The following ZNF438 variants were observed in gnomAD, a reference collection of about 807,000 sequenced individuals.
ZNF438 encodes the protein zinc finger protein 438.
In ZNF438, 25 loss-of-function variants were observed where a neutral mutation model predicts 38.0. The ratio of observed to expected loss-of-function variants is 0.66; its 90% confidence interval spans 0.48 to 0.92. The LOEUF (loss-of-function observed/expected upper bound fraction) is 0.92, where lower values mean the gene tolerates loss of function less well. Among genes scored for constraint, ZNF438 ranks in the 40% least tolerant of loss-of-function variants. ZNF438 has a pLI of 0.00. For synonymous variants in ZNF438, 372 were observed against 364.1 expected (o/e 1.02, Z -0.25); for missense variants, 1,007 against 999.6 (o/e 1.01, Z -0.10).
At chr10:30,900,703 C>A (rs192037508) in intron 3 of ZNF438, among the ~76,000 whole-genome samples, 1 of 152,170 alleles carries the variant, frequency 6.6e-6, no homozygotes, top group East Asian at 1.9e-4. Flanking sequence ...TTTGAAGACA[C>A]GTACTGGGTT....
chr10:30,929,389 A>G (rs189675161), intron 2 of ZNF438, among the ~76,000 whole-genome samples: 1 of 151,970 alleles, frequency 6.6e-6, no homozygotes, highest in Admixed American at 6.5e-5. Flanking sequence ...CTTCGCAGTG[A>G]GTGTTACAGC....
At chr10:30,863,227 A>T (rs2035879209) in intron 4 of ZNF438, among the ~76,000 whole-genome samples, 2 of 152,218 alleles carry the variant, frequency 1.3e-5, no homozygotes, top group South Asian at 4.1e-4. Flanking sequence ...TATTTCTTTA[A>T]TGAAGACACA....
intron 1 of ZNF438, among the ~76,000 whole-genome samples, chr10:30,994,506 C>T (rs560693648): frequency 2.0e-5 from 3 of 152,272 alleles, no homozygotes; most frequent in Admixed American, 1.3e-4. Context: ...CTCATGTGCC[C>T]TCTCAGCATG....
Position 30,848,212 on chromosome 10 carries a change from C to T in ZNF438, c.1874+319G>A, listed in dbSNP as rs550696160. Among the ~76,000 whole-genome samples the T allele has an allele frequency of 1.3e-4, 20 of 152,296 alleles. No homozygotes were observed. In the South Asian group the frequency reaches 3.1e-3, roughly 24 times the overall value. On this transcript the variant is annotated intron_variant, in intron 5 of 5. Coordinates refer to ENST00000413025, the Ensembl canonical transcript of ZNF438. ...TCTGAGTCCCCAACCATGGGTCATG[C>T]CGCATTTTGGGGCAAATGATGCTGT...
At chr10:30,873,314 T>C (rs764611436) in intron 4 of ZNF438, among the ~76,000 whole-genome samples, 4 of 152,064 alleles carry the variant, frequency 2.6e-5, no homozygotes, top group African/African-American at 7.3e-5. Flanking sequence ...TAGTTTATAA[T>C]AGAAAAATCT....
chr10:30,925,279 T>TA, intron 2 of ZNF438, among the ~76,000 whole-genome samples: 1 of 152,250 alleles, frequency 6.6e-6, no homozygotes, highest in African/African-American at 2.4e-5. Flanking sequence ...CTTTGTCTTT[T>TA]AAGAGTTAGA....
intron 4 of ZNF438, chr10:30,875,399 C>A (rs1332947728): frequency 3.1e-6 from 3 of 982,900 alleles, no homozygotes; most frequent in Non-Finnish European, 3.6e-6. Flanking sequence ...GGCTCAGGGG[C>A]AAAATAACTT....
intron 4 of ZNF438, among the ~76,000 whole-genome samples, chr10:30,871,291 T>C (rs1299899004): frequency 2.0e-5 from 3 of 152,208 alleles, no homozygotes; most frequent in Non-Finnish European, 4.4e-5. Context: ...TTTGCTTTCA[T>C]TGGCCTTAGA....
chr10:30,915,427 G>A (rs11008302), intron 2 of ZNF438, among the ~76,000 whole-genome samples: 4 of 151,718 alleles, frequency 2.6e-5, no homozygotes, highest in Non-Finnish European at 5.9e-5. Flanking sequence ...CAACCAGACT[G>A]TCATCTTGCT....
chr10:31,028,178 A>G (rs979237187), intron 1 of ZNF438, among the ~76,000 whole-genome samples: 3 of 152,142 alleles, frequency 2.0e-5, no homozygotes, highest in Admixed American at 2.0e-4. Flanking sequence ...GATGGTCAGC[A>G]AAGAAACTCA....
intron 2 of ZNF438, among the ~76,000 whole-genome samples, chr10:30,912,168 A>C (rs929817048): frequency 2.6e-5 from 4 of 152,028 alleles, no homozygotes; most frequent in Admixed American, 6.6e-5. Flanking sequence ...ACTTCTCTAC[A>C]GAGTTGCCTA....
chr10:30,860,475 A>T (rs2035392006), intron 4 of ZNF438, among the ~76,000 whole-genome samples: 5 of 152,246 alleles, frequency 3.3e-5, no homozygotes, highest in Admixed American at 3.3e-4. Context: ...TCAGCTCATT[A>T]TCAGTGAACC....
chr10:30,984,951 G>T (rs1302957327), intron 1 of ZNF438, among the ~76,000 whole-genome samples: 1 of 152,106 alleles, frequency 6.6e-6, no homozygotes, highest in Admixed American at 6.6e-5. Context: ...ATTTTCTAAT[G>T]ATTTTTTTTA....
At chr10:30,951,112 G>C (rs1222305087) in intron 1 of ZNF438, among the ~76,000 whole-genome samples, 2 of 147,286 alleles carry the variant, frequency 1.4e-5, no homozygotes, top group Admixed American at 6.8e-5. Context: ...ATCAATAAAT[G>C]TAATCCAGCA....
intron 1 of ZNF438, among the ~76,000 whole-genome samples, chr10:30,981,109 C>G (rs995153006): frequency 1.2e-4 from 18 of 152,180 alleles, no homozygotes; most frequent in African/African-American, 4.3e-4. Flanking sequence ...ACGTGGAGAG[C>G]ATGTTCCCCA....
intron 2 of ZNF438, among the ~76,000 whole-genome samples, chr10:30,918,445 T>C (rs2043903074): frequency 6.6e-6 from 1 of 152,164 alleles, no homozygotes; most frequent in Non-Finnish European, 1.5e-5. Context: ...AGTATAGTTT[T>C]GTTGTTCTTA....
chr10:30,858,909 C>CA (rs770203472), intron 4 of ZNF438, among the ~76,000 whole-genome samples: 3 of 152,208 alleles, frequency 2.0e-5, no homozygotes, highest in Non-Finnish European at 4.4e-5. Flanking sequence ...TCCATCACCT[C>CA]ACTTCGCAGG....
chr10:31,032,137 G>A (rs1439375423), upstream of ZNF438, among the ~76,000 whole-genome samples: 6 of 152,244 alleles, frequency 3.9e-5, no homozygotes, highest in African/African-American at 1.4e-4. Context: ...CGGGGTTAGA[G>A]GAGGAGGAGG....
At position 30,996,900 on chromosome 10, in the gene ZNF438, T is replaced by C. The variant is rs143373060; in HGVS notation, c.-192+34933A>G. ...TACAAATCAGTAACAGAAGGAATTT[T>C]AGGAAATTCACAAAGATGGGAGGGA... On this transcript the variant is annotated intron_variant, in intron 1 of 5. Coordinates refer to ENST00000413025, the Ensembl canonical transcript of ZNF438. Among the ~76,000 whole-genome samples the C allele has an allele frequency of 2.9e-4, 44 of 152,256 alleles. 1 individual carries two copies. Among genetic ancestry groups the C allele is most frequent in the African/African-American group, 1.0e-3 (42 of 41,550 alleles).
Sources: allele counts gnomAD v4.1 joint callset (sites outside exome capture counted in the v4.1 genomes callset), GRCh38; gene constraint gnomAD v4.1.1; transcripts MANE v1.5; gene names NCBI Gene and HGNC (gene_info 2026-07-23, HGNC 2026-07-21).